The following PDCD4 variants were observed in gnomAD, a reference collection of about 807,000 sequenced individuals.
PDCD4 encodes programmed cell death 4.
Under a neutral mutation model 54.0 loss-of-function variants are expected in PDCD4, and 56 were observed. That is an observed-to-expected ratio of 1.04 (90% CI 0.84 to 1.30). The LOEUF is 1.30. PDCD4 is among the 50% of genes most tolerant of loss of function. The pLI is 0.00. For synonymous variants in PDCD4, 186 were observed against 194.8 expected, an observed-to-expected ratio of 0.95 and a Z score of 0.37; for missense variants, 584 against 559.8, an observed-to-expected ratio of 1.04 and a Z score of -0.44.
intron 8 of PDCD4, among the ~76,000 whole-genome samples, chr10:110,892,383 G>C (rs1647442406): frequency 6.6e-6 from 1 of 152,154 alleles, no homozygotes. Context: ...AAAACTGCCA[G>C]TATATGAGTT....
At chr10:110,891,012 C>T (rs1564684598) in intron 8 of PDCD4, 1 of 173,942 alleles carries the variant, frequency 5.7e-6, no homozygotes, top group Non-Finnish European at 1.2e-5. Context: ...AATAAATACG[C>T]TTTTATATGA....
intron 10 of PDCD4, among the ~76,000 whole-genome samples, chr10:110,895,379 T>C (rs1008385397): frequency 6.6e-6 from 1 of 152,180 alleles, no homozygotes; most frequent in Non-Finnish European, 1.5e-5. Context: ...GGCCTCCAGC[T>C]GCATCCACGT....
chr10:110,876,311 A>AAC (rs1564679439), intron 2 of PDCD4, among the ~76,000 whole-genome samples: 1 of 152,172 alleles, frequency 6.6e-6, no homozygotes, highest in Non-Finnish European at 1.5e-5. Context: ...CTAGGCTGAA[A>AAC]TATCTTGAAG....
rs762819085 is a variant in PDCD4, at chr10:110,876,086, C to G, written c.43+16C>G. 5 of 1,594,968 alleles carry G rather than the reference C, an allele frequency of 3.1e-6. No homozygotes were observed. In the Admixed American group the frequency reaches 5.1e-5, roughly 16 times the overall value. ...AACCCTGCAGGTAAGTAAGGATATC[C>G]TTTTTTCTTTTTTTCTTCGTTTTGA... On this transcript the variant is annotated intron_variant, in intron 2 of 11. Transcript: ENST00000280154.
At chr10:110,886,743 A>G (rs778127361) in intron 5 of PDCD4, among the ~76,000 whole-genome samples, 1 of 152,166 alleles carries the variant, frequency 6.6e-6, no homozygotes, top group African/African-American at 2.4e-5. Flanking sequence ...AAATAAGATA[A>G]TATAACTAAA....
At chr10:110,885,776 A>G (rs1424229658) in intron 5 of PDCD4, among the ~76,000 whole-genome samples, 1 of 152,018 alleles carries the variant, frequency 6.6e-6, no homozygotes, top group Non-Finnish European at 1.5e-5. Context: ...TATTTCACGT[A>G]TGTTCAGAAG....
intron 4 of PDCD4, among the ~76,000 whole-genome samples, chr10:110,884,272 G>A (rs1292286093): frequency 6.6e-6 from 1 of 152,258 alleles, no homozygotes; most frequent in Non-Finnish European, 1.5e-5. Context: ...ATCGGATTGA[G>A]AAAACAGTAT....
chr10:110,889,893 T>G (rs992492868), intron 7 of PDCD4, among the ~76,000 whole-genome samples: 1 of 152,230 alleles, frequency 6.6e-6, no homozygotes, highest in African/African-American at 2.4e-5. Flanking sequence ...TTTCTTTATT[T>G]ATGAAACAAA....
intron 4 of PDCD4, 43 bp from the exon 5 acceptor site, chr10:110,885,210 G>A: frequency 1.2e-6 from 1 of 860,494 alleles, no homozygotes; most frequent in Non-Finnish European, 1.9e-6. Flanking sequence ...TTGTTTATTT[G>A]CATTTTGTTT....
At chr10:110,897,839 A>ATG (rs1845866647) in intron 11 of PDCD4, among the ~76,000 whole-genome samples, 189 bp from the exon 12 acceptor site, 1 of 151,466 alleles carries the variant, frequency 6.6e-6, no homozygotes. Flanking sequence ...TTTGATATTG[A>ATG]TGTTTTATGC....
At chr10:110,897,870 CTT>C (rs1831195324) in intron 11 of PDCD4, among the ~76,000 whole-genome samples, 156 bp from the exon 12 acceptor site, 1 of 146,858 alleles carries the variant, frequency 6.8e-6, no homozygotes, top group South Asian at 2.1e-4. Context: ...AGTAGGGAGT[CTT>C]TTCCAAAGGA....
chr10:110,892,794 A>G (rs1248229231), intron 8 of PDCD4, among the ~76,000 whole-genome samples: 1 of 152,168 alleles, frequency 6.6e-6, no homozygotes, highest in Non-Finnish European at 1.5e-5. Flanking sequence ...TGTATGGGTA[A>G]TGTCTTAGGC....
chr10:110,881,227 T>A lies in PDCD4; in HGVS notation c.44-6T>A, dbSNP rs751384967. The stretch of plus-strand genomic sequence containing the variant: ...TAGAATTTTTTTCTTCATTTTTCTC[T>A]TTAAGATCCTGATAACTTAAGTGAC... On this transcript the variant is annotated splice_polypyrimidine_tract_variant and splice_region_variant and intron_variant, in intron 2 of 11. Coordinates refer to ENST00000280154, the MANE Select transcript of PDCD4 (RefSeq NM_014456.5). 11 of 1,602,236 alleles carry A rather than the reference T, an allele frequency of 6.9e-6. No homozygotes were observed. The South Asian group carries it at 1.2e-4, about 18-fold the overall frequency.
At chr10:110,882,604 C>A (rs1845608379) in intron 3 of PDCD4, among the ~76,000 whole-genome samples, 1 of 151,976 alleles carries the variant, frequency 6.6e-6, no homozygotes, top group Non-Finnish European at 1.5e-5. Context: ...AATAATTTTT[C>A]CCTTGTTGAG....
At chr10:110,886,783 C>T (rs1369480741) in intron 5 of PDCD4, among the ~76,000 whole-genome samples, 2 of 152,038 alleles carry the variant, frequency 1.3e-5, no homozygotes, top group Non-Finnish European at 2.9e-5. Flanking sequence ...ATACATTAGT[C>T]AATAAGTATT....
chr10:110,872,581 C>G (rs1219556121), intron 1 of PDCD4, among the ~76,000 whole-genome samples: 1 of 152,208 alleles, frequency 6.6e-6, no homozygotes, highest in Non-Finnish European at 1.5e-5. Context: ...TTCGGGGGTC[C>G]TAGCCTGAGC....
chr10:110,881,852 C>G (rs1043727407), intron 3 of PDCD4, among the ~76,000 whole-genome samples: 4 of 152,160 alleles, frequency 2.6e-5, no homozygotes, highest in African/African-American at 9.7e-5. Context: ...TGAAAGGAGT[C>G]AGAAATCCAT....
At chr10:110,872,629 G>A (rs534648493) in intron 1 of PDCD4, among the ~76,000 whole-genome samples, 1 of 152,338 alleles carries the variant, frequency 6.6e-6, no homozygotes, top group Admixed American at 6.5e-5. Context: ...TGTGGGGAGG[G>A]GCCGCGCGCT....
intron 2 of PDCD4, among the ~76,000 whole-genome samples, chr10:110,876,277 A>G (rs1012829242): frequency 6.6e-6 from 1 of 152,094 alleles, no homozygotes; most frequent in African/African-American, 2.4e-5. Flanking sequence ...TATTTTTTGT[A>G]GAGATAGGAT....
Sources: gnomAD v4.1 joint callset for allele counts (sites outside exome capture counted in the v4.1 genomes callset) on GRCh38, gnomAD v4.1.1 for gene constraint, MANE v1.5 for transcripts, NCBI Gene and HGNC (gene_info 2026-07-23, HGNC 2026-07-21) for gene names.